The following RNF130 variants were observed in gnomAD, a reference collection of about 807,000 sequenced individuals.
RNF130 encodes ring finger protein 130, also known as E3 ubiquitin-protein ligase RNF130.
RNF130 carries 21 observed loss-of-function variants against 44.6 expected under a neutral mutation model. The ratio of observed to expected loss-of-function variants is 0.47; its 90% confidence interval spans 0.33 to 0.68. RNF130 has a LOEUF of 0.68. RNF130 is among the 30% of genes least tolerant of loss of function. The probability of loss-of-function intolerance (pLI) is 0.02; values close to 1 mark genes in which losing one functional copy is unlikely to be tolerated. For synonymous variants in RNF130, 214 were observed against 210.4 expected (o/e 1.02, Z -0.15); for missense variants, 479 against 560.6 (o/e 0.85, Z 1.47).
chr5:179,931,978 G>C (rs1304574972), intron 7 of RNF130, among the ~76,000 whole-genome samples: 1 of 152,144 alleles, frequency 6.6e-6, no homozygotes, highest in African/African-American at 2.4e-5. Context: ...AAGGAGCCAA[G>C]ACAATAGGGG....
At position 179,955,341 on chromosome 5, in the gene RNF130, A is replaced by AT. The variant is rs1184430965; in HGVS notation, c.*312_*313insA. 6.9e-6 allele frequency: 2 copies of AT among 289,272 alleles called. No homozygotes were observed. Among genetic ancestry groups the AT allele is most frequent in the Non-Finnish European group, 1.3e-5 (2 of 156,722 alleles). The allele number at this position is 289,272 out of a possible 1,614,324, so 17.9% of individuals were successfully genotyped here. ...GAGCCAATGTGAAGACACCAATAGT[A>AT]AGTGTCAATCCCTGTTCCTCTCACG... On this transcript the variant is annotated 3_prime_UTR_variant, in exon 9 of 9. Coordinates refer to ENST00000521389, the MANE Select transcript of RNF130 (RefSeq NM_018434.6).
chr5:179,999,588 G>C (rs938452446), intron 3 of RNF130, among the ~76,000 whole-genome samples: 2 of 152,104 alleles, frequency 1.3e-5, no homozygotes, highest in Admixed American at 1.3e-4. Flanking sequence ...CGGGCTTGGT[G>C]GTAGGCACCT....
intron 2 of RNF130, among the ~76,000 whole-genome samples, chr5:180,020,814 G>A (rs1763852847): frequency 1.3e-5 from 2 of 152,158 alleles, no homozygotes; most frequent in African/African-American, 4.8e-5. Context: ...CACTGAAGAA[G>A]ACAAGCCACC....
intron 7 of RNF130, among the ~76,000 whole-genome samples, chr5:179,946,765 A>G (rs1442186891): frequency 1.3e-5 from 2 of 152,146 alleles, no homozygotes; most frequent in Non-Finnish European, 2.9e-5. Flanking sequence ...CGTGTTAGCC[A>G]GGATGGTCTC....
At position 180,029,603 on chromosome 5, in the gene RNF130, A is replaced by AT. The variant is rs1055826480; in HGVS notation, c.442+10849dup. 3.9e-5 allele frequency among the ~76,000 whole-genome samples: 6 copies of AT among 152,214 alleles called. 1 individual carries two copies. The highest frequency in any genetic ancestry group is 3.9e-4 in the Admixed American group (6 of 15,286). On this transcript the variant is annotated intron_variant, in intron 2 of 8. Coordinates refer to ENST00000521389, the MANE Select transcript of RNF130 (RefSeq NM_018434.6). ...AATAAAAGCAATATTATATTGCAGA[A>AT]TTTTTTTAAACAAATGGGTTTACTT...
intron 6 of RNF130, among the ~76,000 whole-genome samples, chr5:179,969,048 T>C (rs1762523925): frequency 6.6e-6 from 1 of 152,234 alleles, no homozygotes; most frequent in Non-Finnish European, 1.5e-5. Flanking sequence ...ATGACTTCGA[T>C]CTCCTTTGGG....
chr5:180,024,776 T>C (rs1256743814), intron 2 of RNF130, among the ~76,000 whole-genome samples: 5 of 152,206 alleles, frequency 3.3e-5, no homozygotes, highest in Non-Finnish European at 5.9e-5. Context: ...CCTACCGTTT[T>C]TTCATGAGTT....
intron 3 of RNF130, among the ~76,000 whole-genome samples, chr5:180,001,266 A>G (rs1763330437): frequency 6.6e-6 from 1 of 152,194 alleles, no homozygotes; most frequent in African/African-American, 2.4e-5. Flanking sequence ...GAGGAGACTT[A>G]GCCAAAGTGA....
At chr5:180,028,432 C>A (rs557367379) in intron 2 of RNF130, among the ~76,000 whole-genome samples, 1 of 152,292 alleles carries the variant, frequency 6.6e-6, no homozygotes, top group African/African-American at 2.4e-5. Context: ...TCTCCTCTCA[C>A]CAGATTTTTG....
chr5:179,980,468 G>C lies in RNF130; in HGVS notation c.694-268C>G, dbSNP rs1762806969. The C allele has an allele frequency of 1.8e-5, 7 of 394,260 alleles. No individual in the cohort carries two copies. In the South Asian group the frequency reaches 2.0e-4, roughly 11 times the overall value. 24.4% of individuals were successfully genotyped at this position (394,260 alleles called of 1,614,324 possible). A position where few individuals can be genotyped will look rare whatever the true frequency, so the allele number is the denominator to read the frequency against. On this transcript the variant is annotated intron_variant, in intron 3 of 8. Coordinates refer to ENST00000521389, the MANE Select transcript of RNF130 (RefSeq NM_018434.6). ...AATTCTCCAGCAGTAAAAAAGTTAG[G>C]TGTCATAATTGCTGCATTTTGTGTC...
intron 3 of RNF130, among the ~76,000 whole-genome samples, chr5:179,987,803 C>G (rs1244727801): frequency 1.3e-5 from 2 of 152,210 alleles, no homozygotes; most frequent in Non-Finnish European, 2.9e-5. Flanking sequence ...ATCCTTCTAT[C>G]CCCGGGACAA....
At chr5:180,016,521 C>T (rs1763737978) in intron 2 of RNF130, among the ~76,000 whole-genome samples, 1 of 152,214 alleles carries the variant, frequency 6.6e-6, no homozygotes, top group Admixed American at 6.5e-5. Flanking sequence ...CGGATGCGGC[C>T]ACGCTCCCAC....
chr5:179,965,135 T>C (rs970488301), intron 7 of RNF130, among the ~76,000 whole-genome samples: 2 of 152,126 alleles, frequency 1.3e-5, no homozygotes, highest in Admixed American at 6.6e-5. Context: ...TGCATGTCTT[T>C]GTGTGTGTGT....
At chr5:179,940,787 A>C (rs1371823114) in intron 7 of RNF130, among the ~76,000 whole-genome samples, 2 of 151,666 alleles carry the variant, frequency 1.3e-5, no homozygotes, top group African/African-American at 4.9e-5. Context: ...CTCTTCAAAT[A>C]CTGCTTCTGC....
intron 1 of RNF130, among the ~76,000 whole-genome samples, chr5:180,049,585 G>C (rs959365905): frequency 6.6e-6 from 1 of 152,120 alleles, no homozygotes; most frequent in Non-Finnish European, 1.5e-5. Flanking sequence ...GACATGTTAA[G>C]TATTTTAAAT....
chr5:180,066,044 C>A (rs1765100016), intron 1 of RNF130, among the ~76,000 whole-genome samples: 1 of 152,194 alleles, frequency 6.6e-6, no homozygotes, highest in Non-Finnish European at 1.5e-5. Flanking sequence ...AATGTTTTCA[C>A]TGCTGCATAA....
intron 4 of RNF130, 34 bp from the exon 5 acceptor site, chr5:179,978,319 C>G (rs372721475): frequency 2.1e-6 from 3 of 1,406,848 alleles, no homozygotes; most frequent in Non-Finnish European, 2.0e-6. Context: ...AAAAGTCACA[C>G]GCTGCAAGTA....
chr5:179,979,856 T>C lies in RNF130; in HGVS notation c.765+273A>G, dbSNP rs902782488. ...AGACATAGCAAAGTCCCAGGAAGTA[T>C]AGGAAGAAAACACATCTCCTGGCTT... On this transcript the variant is annotated intron_variant, in intron 4 of 8. Coordinates refer to ENST00000521389, the MANE Select transcript of RNF130 (RefSeq NM_018434.6). Among the ~76,000 whole-genome samples, 7 of 152,292 alleles carry C rather than the reference T, an allele frequency of 4.6e-5. No individual in the cohort carries two copies. The South Asian group carries it at 1.2e-3, about 27-fold the overall frequency.
intron 1 of RNF130, among the ~76,000 whole-genome samples, chr5:180,052,857 C>T (rs549818815): frequency 5.9e-5 from 9 of 152,242 alleles, no homozygotes; most frequent in Non-Finnish European, 7.4e-5. Context: ...TAATCTGAGA[C>T]GTCCATAAAC....
Sources: allele counts gnomAD v4.1 joint callset (sites outside exome capture counted in the v4.1 genomes callset), GRCh38; gene constraint gnomAD v4.1.1; transcripts MANE v1.5; gene names NCBI Gene and HGNC (gene_info 2026-07-23, HGNC 2026-07-21).